Variants in NPM1 observed in about 807,000 individuals in gnomAD.
NPM1 encodes nucleophosmin.
NPM1 carries 1 observed loss-of-function variant against 44.1 expected under a neutral mutation model. The ratio of observed to expected loss-of-function variants is 0.02; its 90% CI spans 0.01 to 0.11. The LOEUF is 0.11. Ranked by LOEUF, NPM1 falls within the 10% of genes least tolerant of loss-of-function variation. The pLI is 1.00. For missense variants in NPM1, 197 were observed against 347.8 expected (o/e 0.57, Z 3.45); for synonymous variants, 126 against 111.8 (o/e 1.13, Z -0.80).
At chr5:171,393,104 T>C (rs1364959245) in intron 6 of NPM1, 126 bp downstream of exon 6, 1 of 1,231,252 alleles carries the variant, frequency 8.1e-7, no homozygotes. Context: ...TAATAGTTTA[T>C]AATAAAAGGG....
chr5:171,387,841 C>A, upstream of NPM1: 1 of 1,029,480 alleles, frequency 9.7e-7, no homozygotes, highest in Non-Finnish European at 1.5e-6. Flanking sequence ...GCGCGGGGAG[C>A]CTGCGTCCTT....
At chr5:171,399,328 T>TA (rs1325901662) in intron 6 of NPM1, among the ~76,000 whole-genome samples, 27 of 152,232 alleles carry the variant, frequency 1.8e-4, no homozygotes, top group African/African-American at 6.3e-4. Context: ...ATTACACAGT[T>TA]ACAGTTCACT....
intron 3 of NPM1, 131 bp downstream of exon 3, chr5:171,391,555 C>A: frequency 7.9e-7 from 1 of 1,268,078 alleles, no homozygotes; most frequent in Non-Finnish European, 1.1e-6. Flanking sequence ...GTTCGATGGT[C>A]AACTCTTGAA....
intron 8 of NPM1, 85 bp from the exon 9 acceptor site, chr5:171,405,217 T>C: frequency 1.5e-6 from 1 of 679,016 alleles, no homozygotes; most frequent in South Asian, 1.8e-5. Flanking sequence ...TTTGTGAGAA[T>C]ATTTGAGGAA....
At chr5:171,400,474 T>A (rs77576013) in intron 7 of NPM1, among the ~76,000 whole-genome samples, 4 of 151,200 alleles carry the variant, frequency 2.6e-5, no homozygotes, top group Non-Finnish European at 5.9e-5. Context: ...TTTTTTTTTT[T>A]TTGAGACGGA....
At chr5:171,388,158 T>G in intron 1 of NPM1, 152 bp downstream of exon 1, 1 of 730,892 alleles carries the variant, frequency 1.4e-6, no homozygotes, top group East Asian at 2.7e-5. Context: ...GCCTGAGCCC[T>G]GGACCTGGAG....
At chr5:171,406,648 T>C in intron 9 of NPM1, 1 of 1,311,848 alleles carries the variant, frequency 7.6e-7, no homozygotes, top group Non-Finnish European at 9.7e-7. Context: ...TTCTATTACT[T>C]GTGCATTTGC....
At chr5:171,397,637 CTT>C (rs1257682786) in intron 6 of NPM1, among the ~76,000 whole-genome samples, 1 of 143,350 alleles carries the variant, frequency 7.0e-6, no homozygotes, top group Non-Finnish European at 1.6e-5. Flanking sequence ...TGTAAGAATT[CTT>C]TTTTCTTTTT....
chr5:171,408,074 G>C (rs77531212), intron 10 of NPM1, among the ~76,000 whole-genome samples: 8 of 151,342 alleles, frequency 5.3e-5, no homozygotes, highest in Non-Finnish European at 1.2e-4. Flanking sequence ...GGAAATTGCT[G>C]TGGTTTTCCT....
chr5:171,403,608 C>T (rs1197148320), intron 8 of NPM1, among the ~76,000 whole-genome samples: 28 of 114,238 alleles, frequency 2.5e-4, no homozygotes, highest in South Asian at 6.3e-4. Flanking sequence ...CCTCACCTCC[C>T]GGACGGGGCG....
chr5:171,402,944 A>G (rs1183213385), intron 8 of NPM1, among the ~76,000 whole-genome samples: 3 of 114,146 alleles, frequency 2.6e-5, no homozygotes, highest in African/African-American at 9.9e-5. Flanking sequence ...ACCCAATCTC[A>G]GGTAGTTCTT....
At position 171,387,851 on chromosome 5, in the gene NPM1, T is replaced by C. The variant is rs1581233933; in HGVS notation, c.-98T>C. 6.0e-6 allele frequency: 7 copies of C among 1,159,184 alleles called. No individual in the cohort carries two copies. Among genetic ancestry groups the C allele is most frequent in the South Asian group, 2.5e-5 (2 of 79,430 alleles). 71.8% of individuals were successfully genotyped at this position (1,159,184 alleles called of 1,614,324 possible). On this transcript the variant is annotated 5_prime_UTR_variant, in exon 1 of 11. Transcript: ENST00000296930. ...TATAAGCGCGGGGAGCCTGCGTCCT[T>C]TCCCTGGTGTGATTCCGTCCTGCGC...
intron 6 of NPM1, among the ~76,000 whole-genome samples, chr5:171,395,248 A>T (rs893094074): frequency 6.6e-6 from 1 of 152,082 alleles, no homozygotes; most frequent in Admixed American, 6.6e-5. Context: ...TTGGGCATTG[A>T]TAGGAATGAA....
At chr5:171,394,702 A>AT (rs1433629774) in intron 6 of NPM1, among the ~76,000 whole-genome samples, 1 of 152,174 alleles carries the variant, frequency 6.6e-6, no homozygotes, top group African/African-American at 2.4e-5. Flanking sequence ...AGAAATAGGG[A>AT]TGGTATGGTT....
chr5:171,394,300 A>G (rs1770760692), intron 6 of NPM1, among the ~76,000 whole-genome samples: 1 of 151,988 alleles, frequency 6.6e-6, no homozygotes, highest in African/African-American at 2.4e-5. Flanking sequence ...GGTCTCCCAA[A>G]GTGCTGGGAT....
chr5:171,404,635 G>T (rs1413073363), intron 8 of NPM1, among the ~76,000 whole-genome samples: 2 of 128,158 alleles, frequency 1.6e-5, no homozygotes, highest in African/African-American at 6.1e-5. Context: ...GGGCGGAGAC[G>T]CTCCTCACTT....
intron 2 of NPM1, among the ~76,000 whole-genome samples, chr5:171,390,551 C>T (rs4867651): frequency 0.4 from 61,527 of 151,974 alleles, 12,471 homozygotes; most frequent in East Asian, 0.55. Context: ...GATCACAAAA[C>T]CTGAGGACAA....
chr5:171,396,453 ACT>A (rs906268556), intron 6 of NPM1, among the ~76,000 whole-genome samples: 9 of 152,242 alleles, frequency 5.9e-5, no homozygotes, highest in African/African-American at 1.7e-4. Context: ...TGACAAAATC[ACT>A]GTTAAAAAGC....
chr5:171,388,731 C>T (rs537452966), intron 1 of NPM1, among the ~76,000 whole-genome samples: 1 of 152,168 alleles, frequency 6.6e-6, no homozygotes, highest in Admixed American at 6.5e-5. Context: ...GGTCTTTGTT[C>T]AGTGCTTACA....
Sources: allele counts gnomAD v4.1 joint callset (sites outside exome capture counted in the v4.1 genomes callset), GRCh38; gene constraint gnomAD v4.1.1; transcripts MANE v1.5; gene names NCBI Gene and HGNC (gene_info 2026-07-23, HGNC 2026-07-21).